SLCO3A1: variants seen among roughly 807,000 people sequenced by gnomAD.
SLCO3A1 encodes PGE1 transporter.
SLCO3A1 carries 27 observed loss-of-function variants against 63.1 expected under a neutral mutation model. That is an observed-to-expected ratio of 0.43 (90% CI 0.32 to 0.59). The LOEUF (loss-of-function observed/expected upper bound fraction) is 0.59. Ranked by LOEUF, SLCO3A1 falls within the 20% of genes least tolerant of loss-of-function variation. The pLI is 0.09. For synonymous variants in SLCO3A1, 473 were observed against 409.9 expected (o/e 1.15, Z -1.86); for missense variants, 773 against 945.8 (o/e 0.82, Z 2.40).
chr15:91,957,779 T>C (rs1900293030), intron 2 of SLCO3A1, among the ~76,000 whole-genome samples: 1 of 152,206 alleles, frequency 6.6e-6, no homozygotes, highest in Non-Finnish European at 1.5e-5. Context: ...CCAGATGTAG[T>C]ATTAATACAT....
chr15:92,000,832 A>C (rs1025369253), intron 2 of SLCO3A1, among the ~76,000 whole-genome samples: 6 of 152,164 alleles, frequency 3.9e-5, no homozygotes, highest in African/African-American at 1.4e-4. Flanking sequence ...GTGTGCACAC[A>C]CGCTTGTACG....
At chr15:91,891,284 G>A (rs1417040276) in intron 1 of SLCO3A1, among the ~76,000 whole-genome samples, 1 of 152,176 alleles carries the variant, frequency 6.6e-6, no homozygotes, top group African/African-American at 2.4e-5. Context: ...GCTCCATTTA[G>A]GACTACCTTG....
intron 2 of SLCO3A1, among the ~76,000 whole-genome samples, chr15:92,052,213 G>C (rs147602499): frequency 2.2e-4 from 34 of 152,116 alleles, no homozygotes; most frequent in African/African-American, 8.0e-4. Context: ...TACTCAGCTG[G>C]GTGTCCATGC....
intron 4 of SLCO3A1, among the ~76,000 whole-genome samples, chr15:92,116,174 T>C (rs1056451362): frequency 1.3e-5 from 2 of 152,170 alleles, no homozygotes; most frequent in African/African-American, 4.8e-5. Flanking sequence ...GCTGTGAGCA[T>C]TGTGGGAGCA....
chr15:92,091,232 G>T (rs2047471286), intron 2 of SLCO3A1, among the ~76,000 whole-genome samples: 2 of 152,170 alleles, frequency 1.3e-5, no homozygotes, highest in South Asian at 4.1e-4. Flanking sequence ...ATCCAGGGTA[G>T]TAGCAAAGAA....
intron 2 of SLCO3A1, among the ~76,000 whole-genome samples, chr15:91,997,360 C>T (rs533008363): frequency 3.0e-4 from 46 of 152,292 alleles, no homozygotes; most frequent in Middle Eastern, 6.8e-3. Context: ...TCATAGATGA[C>T]ACAAACAAAT....
intron 4 of SLCO3A1, among the ~76,000 whole-genome samples, chr15:92,116,024 A>G (rs1460646307): frequency 1.3e-5 from 2 of 152,132 alleles, no homozygotes; most frequent in African/African-American, 2.4e-5. Context: ...CCAGAGTAGC[A>G]TACTGGTGAC....
chr15:92,158,777 C>A (rs1483921712), intron 9 of SLCO3A1, among the ~76,000 whole-genome samples: 2 of 152,158 alleles, frequency 1.3e-5, no homozygotes, highest in Non-Finnish European at 2.9e-5. Context: ...GCAGTCCGTT[C>A]GTCTCTGGTA....
intron 2 of SLCO3A1, among the ~76,000 whole-genome samples, chr15:92,008,907 G>A (rs150384238): frequency 1.2e-3 from 176 of 152,270 alleles, no homozygotes; most frequent in African/African-American, 4.1e-3. Flanking sequence ...ACCAAGAAGA[G>A]CAATATTTCA....
chr15:91,921,546 G>GT (rs905294863), intron 2 of SLCO3A1, among the ~76,000 whole-genome samples: 29 of 149,896 alleles, frequency 1.9e-4, no homozygotes, highest in East Asian at 1.6e-3. Flanking sequence ...TGATGATATA[G>GT]TTTTTTTTTT....
chr15:91,903,707 C>T (rs889965472), intron 1 of SLCO3A1, among the ~76,000 whole-genome samples: 5 of 152,164 alleles, frequency 3.3e-5, no homozygotes, highest in African/African-American at 1.2e-4. Flanking sequence ...CTGGCTTAGC[C>T]ACCACGTGTC....
At position 91,897,762 on chromosome 15, in the gene SLCO3A1, T is replaced by A. The variant is rs1054217573; in HGVS notation, c.181-18231T>A. Among the ~76,000 whole-genome samples the A allele has an allele frequency of 9.2e-5, 14 of 152,106 alleles. No individual in the cohort carries two copies. The highest frequency in any genetic ancestry group is 1.2e-4 in the African/African-American group (5 of 41,402). ...CCTGCAGCGTGGGCTCCAGCAGCAG[T>A]GTGTTAAGGGCAGTGTTGGAACAGA... On this transcript the variant is annotated intron_variant, in intron 1 of 9. Coordinates refer to ENST00000318445, the MANE Select transcript of SLCO3A1 (RefSeq NM_013272.4). The surrounding 1 kb of genome is among the most constrained non-coding windows in gnomAD (Gnocchi z 4.7).
chr15:92,127,529 T>C (rs1183389189), intron 6 of SLCO3A1, among the ~76,000 whole-genome samples: 1 of 152,156 alleles, frequency 6.6e-6, no homozygotes, highest in Admixed American at 6.5e-5. Flanking sequence ...GAATAGTGCA[T>C]GACGCATAAA....
In SLCO3A1 at chr15:91,926,596, T is replaced by TGTGTGTGTGTGTGTGTGCGCGCGC; in HGVS notation, c.646+10139_646+10140insTGTGTGTGTGTGTGTGCGCGCGCG. The stretch of plus-strand genomic sequence containing the variant: ...GTGTGTGTGTGTGTGTGTGTGTGTG[T>TGTGTGTGTGTGTGTGTGCGCGCGC]GCGCGCGCGCACGCCCATGCTTATT... On this transcript the variant is annotated intron_variant, in intron 2 of 9. Coordinates refer to ENST00000318445, the MANE Select transcript of SLCO3A1 (RefSeq NM_013272.4). Among the ~76,000 whole-genome samples the TGTGTGTGTGTGTGTGTGCGCGCGC allele has an allele frequency of 4.1e-4, 43 of 105,314 alleles. 1 individual carries two copies. Among genetic ancestry groups the TGTGTGTGTGTGTGTGTGCGCGCGC allele is most frequent in the African/African-American group, 1.5e-3 (40 of 27,394 alleles). The allele number at this position is 105,314 out of a possible 152,430, so 69.1% of individuals were successfully genotyped here.
At chr15:91,947,791 C>T (rs1364120924) in intron 2 of SLCO3A1, among the ~76,000 whole-genome samples, 1 of 152,194 alleles carries the variant, frequency 6.6e-6, no homozygotes, top group Non-Finnish European at 1.5e-5. Context: ...AGACTGCTTT[C>T]CTCGTTAGTA....
intron 1 of SLCO3A1, among the ~76,000 whole-genome samples, chr15:91,891,510 TC>T (rs1479542663): frequency 4.5e-4 from 69 of 152,304 alleles, no homozygotes; most frequent in Middle Eastern, 3.4e-3. Context: ...CAGACCTGCT[TC>T]TTTTCCTCCC....
At chr15:92,024,887 AT>A (rs11311650) in intron 2 of SLCO3A1, among the ~76,000 whole-genome samples, 2,615 of 152,086 alleles carry the variant, frequency 0.017, 75 homozygotes, top group African/African-American at 0.06. Flanking sequence ...CTACCCACCC[AT>A]CCGTCTACCT....
rs942096610 is a variant in SLCO3A1 at position 91,860,638 on chromosome 15, T to C, written c.180+6550T>C. On this transcript the variant is annotated intron_variant, in intron 1 of 9. Coordinates refer to ENST00000318445, the MANE Select transcript of SLCO3A1 (RefSeq NM_013272.4). This position sits in a 1 kb window ranked among gnomAD's most constrained non-coding sequence, Gnocchi z 5.5. ...ACTGGCTGAAAGGCTGAGTGACCAATTCAAGGGAGCCCGAGGTGTCAGGAG... is the reference window on the plus strand; with the variant it reads ...ACTGGCTGAAAGGCTGAGTGACCAACTCAAGGGAGCCCGAGGTGTCAGGAG... 6.6e-6 allele frequency among the ~76,000 whole-genome samples: 1 copy of C among 152,192 alleles called. No individual in the cohort carries two copies. Among genetic ancestry groups the C allele is most frequent in the Non-Finnish European group, 1.5e-5 (1 of 68,040 alleles).
In SLCO3A1 at chr15:92,164,528, G is replaced by T. The variant is rs916787650; in HGVS notation, c.*1393G>T. On this transcript the variant is annotated 3_prime_UTR_variant, in exon 10 of 10. Coordinates refer to ENST00000318445, the MANE Select transcript of SLCO3A1 (RefSeq NM_013272.4). ...GCCTGTGGAGGAGACACTCTTAGAT[G>T]TGGGTTTGTGTGTATGGGTGCAACA... The T allele has an allele frequency of 1.0e-6, 1 of 985,326 alleles. No individual in the cohort carries two copies. The highest frequency in any genetic ancestry group is 1.2e-6 in the Non-Finnish European group (1 of 829,946). The allele number at this position is 985,326 out of a possible 1,614,324, so 61.0% of individuals were successfully genotyped here. A position where few individuals can be genotyped will look rare whatever the true frequency, so the allele number is the denominator to read the frequency against.
Sources: gnomAD v4.1 joint callset for allele counts (sites outside exome capture counted in the v4.1 genomes callset) on GRCh38, gnomAD v4.1.1 for gene constraint, Gnocchi (gnomAD v3.1) non-coding constraint, MANE v1.5 for transcripts, NCBI Gene and HGNC (gene_info 2026-07-23, HGNC 2026-07-21) for gene names.